The following FGF14 variants were observed in gnomAD, a reference collection of about 807,000 sequenced individuals.
FGF14 encodes the protein fibroblast growth factor homologous factor 4.
A neutral mutation model predicts 25.5 loss-of-function variants in FGF14; 5 were observed. That is an observed-to-expected ratio of 0.20 (90% confidence interval 0.10 to 0.41). The LOEUF is 0.41. Ranked by LOEUF, FGF14 falls within the 10% of genes least tolerant of loss-of-function variation. FGF14 has a pLI of 1.00. For synonymous variants in FGF14, 138 were observed against 118.3 expected, an observed-to-expected ratio of 1.17 and a Z score of -1.08; for missense variants, 222 against 320.1, an observed-to-expected ratio of 0.69 and a Z score of 2.34.
chr13:102,383,502 T>G (rs920633101), intron 1 of FGF14, among the ~76,000 whole-genome samples: 15 of 152,190 alleles, frequency 9.9e-5, no homozygotes, highest in African/African-American at 3.4e-4. Flanking sequence ...TGTACCCAAC[T>G]TATCAAATGC....
rs1000420752 is a variant in FGF14 at position 102,009,850 on chromosome 13, T to C, written c.209-134554A>G. ...TTTTCCTCTCCTTCCCCAACACATGTTTTAGAAATATAGAGGTTATTAGTG... is the reference window on the plus strand; with the variant it reads ...TTTTCCTCTCCTTCCCCAACACATGCTTTAGAAATATAGAGGTTATTAGTG... On this transcript the variant is annotated intron_variant, in intron 1 of 4. Coordinates refer to the FGF14 transcript ENST00000376131. Among the ~76,000 whole-genome samples the C allele has an allele frequency of 5.3e-5, 8 of 152,050 alleles. 1 individual carries two copies. The highest frequency in any genetic ancestry group is 1.2e-4 in the Non-Finnish European group (8 of 67,994).
rs530322109 is a variant in FGF14, at chr13:102,310,193, C to T, written c.208+91278G>A. Among the ~76,000 whole-genome samples the T allele has an allele frequency of 2.6e-5, 4 of 152,284 alleles. No homozygotes were observed. In the East Asian group the frequency reaches 5.8e-4, roughly 22 times the overall value. On this transcript the variant is annotated intron_variant, in intron 1 of 4. Transcript: ENST00000376131. ...GGAAAGGCTTTAATTCTAACAAGCC[C>T]AGAAGGTGAGAAGAAGGAAAAACAA...
chr13:101,977,820 T>A (rs59930652), intron 1 of FGF14, among the ~76,000 whole-genome samples: 2,049 of 152,272 alleles, frequency 0.013, 50 homozygotes, highest in African/African-American at 0.046. Context: ...TAAACTCCCA[T>A]TTTATATAAG....
At chr13:101,840,624 G>T (rs544158734) in intron 3 of FGF14, among the ~76,000 whole-genome samples, 1 of 151,810 alleles carries the variant, frequency 6.6e-6, no homozygotes, top group Admixed American at 6.6e-5. Context: ...GAAGTCAAAG[G>T]CATTGCTACC....
intron 1 of FGF14, among the ~76,000 whole-genome samples, chr13:102,035,941 G>A (rs2041451081): frequency 1.3e-5 from 2 of 152,082 alleles, no homozygotes; most frequent in Admixed American, 6.6e-5. Context: ...GAAGGCCTGG[G>A]GAAAGGAAGA....
At chr13:101,775,663 A>G (rs1422060649) in intron 3 of FGF14, among the ~76,000 whole-genome samples, 1 of 152,088 alleles carries the variant, frequency 6.6e-6, no homozygotes, top group African/African-American at 2.4e-5. Context: ...GTCTTAAGGG[A>G]GGATAGGGGG....
chr13:101,943,582 T>C (rs901481400), intron 1 of FGF14, among the ~76,000 whole-genome samples: 13 of 152,128 alleles, frequency 8.5e-5, no homozygotes, highest in Admixed American at 8.5e-4. Flanking sequence ...TGCTGTAGAA[T>C]AAGAGAAGCT....
At chr13:101,869,786 G>C (rs759861622) in intron 2 of FGF14, among the ~76,000 whole-genome samples, 15 of 152,178 alleles carry the variant, frequency 9.9e-5, no homozygotes, top group Admixed American at 6.5e-4. Flanking sequence ...GCTCTCAACT[G>C]TATTGCACAA....
intron 1 of FGF14, among the ~76,000 whole-genome samples, chr13:102,022,096 A>G (rs1232210581): frequency 6.6e-6 from 1 of 152,048 alleles, no homozygotes; most frequent in African/African-American, 2.4e-5. Context: ...TCCCTCCCAC[A>G]AACTTCCAGA....
At chr13:102,161,573 G>GAA (rs377102698) in intron 1 of FGF14, among the ~76,000 whole-genome samples, 1 of 5,486 alleles carries the variant, frequency 1.8e-4, no homozygotes, top group Non-Finnish European at 3.4e-4. Flanking sequence ...TGTGAAGAAA[G>GAA]AAAGAAGAAG....
intron 1 of FGF14, among the ~76,000 whole-genome samples, chr13:102,172,025 T>C (rs960423343): frequency 1.3e-5 from 2 of 151,688 alleles, no homozygotes; most frequent in Admixed American, 6.6e-5. Flanking sequence ...GGACGGAGTC[T>C]CACTATGTTG....
intron 3 of FGF14, among the ~76,000 whole-genome samples, chr13:101,753,735 G>A (rs1484776974): frequency 6.6e-6 from 1 of 151,584 alleles, no homozygotes; most frequent in African/African-American, 2.4e-5. Context: ...CCCGGGAGAC[G>A]CAGGTTGCAG....
chr13:102,372,819 G>A (rs1156672903), intron 1 of FGF14, among the ~76,000 whole-genome samples: 5 of 152,068 alleles, frequency 3.3e-5, no homozygotes, highest in African/African-American at 7.2e-5. Flanking sequence ...TTAAGTCCAC[G>A]AGCCCTTTCT....
At chr13:101,994,922 T>C (rs576268395) in intron 1 of FGF14, among the ~76,000 whole-genome samples, 1 of 152,186 alleles carries the variant, frequency 6.6e-6, no homozygotes, top group South Asian at 2.1e-4. Flanking sequence ...TGCATACATA[T>C]AATGCATATT....
At position 102,284,495 on chromosome 13, in the gene FGF14, C is replaced by T. The variant is rs140563673; in HGVS notation, c.208+116976G>A. 3.6e-3 allele frequency among the ~76,000 whole-genome samples: 546 copies of T among 151,976 alleles called. 1 individual carries two copies. Among genetic ancestry groups the T allele is most frequent in the African/African-American group, 0.012 (514 of 41,444 alleles). On this transcript the variant is annotated intron_variant, in intron 1 of 4. Transcript: ENST00000376131. ...ATAAAGGAATAAACAGTGCAATGAC[C>T]TCTCACATTAAAAAATGAAAAAAAT...
chr13:102,010,828 A>G (rs1031969311), intron 1 of FGF14, among the ~76,000 whole-genome samples: 5 of 152,192 alleles, frequency 3.3e-5, no homozygotes. Context: ...ATGGGGCAGT[A>G]TGTCAGAGTG....
intron 3 of FGF14, among the ~76,000 whole-genome samples, chr13:101,741,032 A>T (rs140326054): frequency 7.9e-5 from 12 of 152,206 alleles, no homozygotes; most frequent in Admixed American, 7.2e-4. Flanking sequence ...CCACTGAAAC[A>T]TAAGAGGACA....
intron 3 of FGF14, among the ~76,000 whole-genome samples, chr13:101,788,188 C>CT (rs960953298): frequency 8.6e-5 from 13 of 151,432 alleles, no homozygotes; most frequent in African/African-American, 2.2e-4. Context: ...CCCTCCTCCA[C>CT]TTTTTTTTTC....
chr13:102,104,440 C>T (rs112925995), intron 1 of FGF14, among the ~76,000 whole-genome samples: 186 of 152,194 alleles, frequency 1.2e-3, no homozygotes, highest in African/African-American at 4.1e-3. Context: ...ACTTATCTTC[C>T]GCTATAAATA....
Sources: allele counts gnomAD v4.1 joint callset (sites outside exome capture counted in the v4.1 genomes callset), GRCh38; gene constraint gnomAD v4.1.1; transcripts MANE v1.5; gene names NCBI Gene and HGNC (gene_info 2026-07-23, HGNC 2026-07-21).